Variants in CNTN4 observed in about 807,000 individuals in gnomAD.
The protein encoded by CNTN4 is contactin-4.
CNTN4 carries 77 observed loss-of-function variants against 122.5 expected under a neutral mutation model. That is an observed-to-expected ratio of 0.63 (90% CI 0.52 to 0.76). The LOEUF (loss-of-function observed/expected upper bound fraction) is 0.76. Ranked by LOEUF, CNTN4 falls within the 30% of genes least tolerant of loss-of-function variation. CNTN4 has a pLI of 0.00. For missense variants in CNTN4, 1,256 were observed against 1,259.1 expected (o/e 1.00, Z 0.04); for synonymous variants, 512 against 447.0 (o/e 1.15, Z -1.83).
intron 2 of CNTN4, among the ~76,000 whole-genome samples, chr3:2,163,979 T>C (rs1190258174): frequency 6.6e-6 from 1 of 152,048 alleles, no homozygotes; most frequent in African/African-American, 2.4e-5. Flanking sequence ...GCTGTGAGGC[T>C]GCAAAGGTAT....
At chr3:2,620,272 G>A (rs1331301336) in intron 4 of CNTN4, among the ~76,000 whole-genome samples, 22 of 152,158 alleles carry the variant, frequency 1.4e-4, no homozygotes, top group Admixed American at 1.4e-3. Context: ...AGCTGAGGTA[G>A]GTGGATTGCC....
chr3:2,178,898 A>C (rs2036878207), intron 2 of CNTN4, among the ~76,000 whole-genome samples: 1 of 152,010 alleles, frequency 6.6e-6, no homozygotes, highest in Non-Finnish European at 1.5e-5. Context: ...ATATTGAATG[A>C]AATACGACCA....
intron 3 of CNTN4, among the ~76,000 whole-genome samples, chr3:2,430,383 C>G (rs369635877): frequency 1.4e-4 from 20 of 147,836 alleles, no homozygotes; most frequent in East Asian, 8.0e-4. Flanking sequence ...GATTGGGCCA[C>G]TGCACTCCAG....
intron 16 of CNTN4, among the ~76,000 whole-genome samples, chr3:3,033,041 C>G (rs1044266354): frequency 6.6e-6 from 1 of 152,124 alleles, no homozygotes; most frequent in African/African-American, 2.4e-5. Context: ...CAACAATGGA[C>G]TCAGATATTT....
chr3:2,559,544 G>C (rs941250203), intron 3 of CNTN4, among the ~76,000 whole-genome samples: 1 of 151,220 alleles, frequency 6.6e-6, no homozygotes, highest in Non-Finnish European at 1.5e-5. Flanking sequence ...CCTTTGTATT[G>C]TAACTGACCC....
chr3:2,911,993 A>G (rs1270562830), intron 12 of CNTN4, among the ~76,000 whole-genome samples: 1 of 152,158 alleles, frequency 6.6e-6, no homozygotes, highest in East Asian at 1.9e-4. Context: ...GCAGACAATA[A>G]AGAGAGAAAA....
At chr3:2,804,737 C>CTTTAGTTTTTTTTTTTTTTTTTTTT (rs1553643947) in intron 6 of CNTN4, among the ~76,000 whole-genome samples, 1 of 144,880 alleles carries the variant, frequency 6.9e-6, no homozygotes, top group African/African-American at 2.6e-5. Flanking sequence ...ATTTTGAGCA[C>CTTTAGTTTTTTTTTTTTTTTTTTTT]TTTTTTTTTG....
chr3:2,582,903 C>A (rs201801689), intron 4 of CNTN4, among the ~76,000 whole-genome samples: 80 of 140,672 alleles, frequency 5.7e-4, no homozygotes, highest in African/African-American at 7.9e-4. Flanking sequence ...AGTTCTGATA[C>A]AAAAAAAAAA....
chr3:3,041,665 T>TA (rs1276886801), intron 20 of CNTN4, among the ~76,000 whole-genome samples: 1 of 152,184 alleles, frequency 6.6e-6, no homozygotes. Context: ...TAGTCTTCCT[T>TA]AAAAAAAATT....
chr3:3,023,757 T>A (rs1340641084), intron 14 of CNTN4, among the ~76,000 whole-genome samples: 2 of 152,196 alleles, frequency 1.3e-5, no homozygotes, highest in African/African-American at 4.8e-5. Context: ...TCTGCAACCA[T>A]CTGCACCCCA....
chr3:2,478,559 T>C (rs895580355), intron 3 of CNTN4, among the ~76,000 whole-genome samples: 1 of 152,144 alleles, frequency 6.6e-6, no homozygotes, highest in East Asian at 1.9e-4. Flanking sequence ...AGTTAGCTAT[T>C]CTTCCTGATC....
chr3:2,225,056 A>G (rs1443799500), intron 2 of CNTN4, among the ~76,000 whole-genome samples: 1 of 151,646 alleles, frequency 6.6e-6, no homozygotes, highest in Non-Finnish European at 1.5e-5. Flanking sequence ...AGGCTGAGGC[A>G]GGAGAATGGC....
chr3:2,651,700 TTTTTTTTC>T (rs1217402990), intron 4 of CNTN4, among the ~76,000 whole-genome samples: 181 of 144,458 alleles, frequency 1.3e-3, no homozygotes, highest in African/African-American at 4.7e-3. Context: ...ATTTTTTTTC[TTTTTTTTC>T]TTTTTTTTTT....
At chr3:2,736,696 C>T (rs1332962382) in intron 5 of CNTN4, among the ~76,000 whole-genome samples, 1 of 151,958 alleles carries the variant, frequency 6.6e-6, no homozygotes, top group African/African-American at 2.4e-5. Flanking sequence ...CTCCCAACCT[C>T]AGGTGATCCA....
At chr3:2,212,217 C>T (rs1201931347) in intron 2 of CNTN4, among the ~76,000 whole-genome samples, 1 of 152,050 alleles carries the variant, frequency 6.6e-6, no homozygotes, top group Non-Finnish European at 1.5e-5. Context: ...TCAAGTAATC[C>T]TCCTGTCTCA....
chr3:2,677,129 T>TTAGATAGA (rs71621501), intron 4 of CNTN4, among the ~76,000 whole-genome samples: 5,434 of 143,156 alleles, frequency 0.038, 112 homozygotes, highest in East Asian at 0.062. Context: ...GATCACTCTT[T>TTAGATAGA]TAGATAGATA....
At chr3:2,406,682 G>C (rs1450287829) in intron 3 of CNTN4, among the ~76,000 whole-genome samples, 1 of 152,050 alleles carries the variant, frequency 6.6e-6, no homozygotes, top group Non-Finnish European at 1.5e-5. Flanking sequence ...CCTCTTTTGA[G>C]TCTCACATTG....
In CNTN4 at chr3:2,709,135, C is replaced by A. The variant is rs187203893; in HGVS notation, c.56-27080C>A. On this transcript the variant is annotated intron_variant, in intron 4 of 24. Transcript: ENST00000418658. This position sits in a 1 kb window ranked among gnomAD's most constrained non-coding sequence, Gnocchi z 5.0. ...TTAAGCTAGATCGTTACAAATGAAG[C>A]CTTACCATTTGATGAAAATCCAGCA... Among the ~76,000 whole-genome samples the A allele has an allele frequency of 2.6e-4, 40 of 152,194 alleles. No homozygotes were observed. The highest frequency in any genetic ancestry group is 7.2e-4 in the African/African-American group (30 of 41,530).
intron 3 of CNTN4, among the ~76,000 whole-genome samples, chr3:2,344,521 A>G (rs2044330359): frequency 6.6e-6 from 1 of 151,758 alleles, no homozygotes. Context: ...CTCATGATCC[A>G]CCCGCTTCAG....
Sources: gnomAD v4.1 joint callset for allele counts (sites outside exome capture counted in the v4.1 genomes callset) on GRCh38, gnomAD v4.1.1 for gene constraint, Gnocchi (gnomAD v3.1) non-coding constraint, MANE v1.5 for transcripts, NCBI Gene and HGNC (gene_info 2026-07-23, HGNC 2026-07-21) for gene names.